Variants in UNC5D observed in about 807,000 individuals in gnomAD.
UNC5D encodes unc-5 netrin receptor D, also known as netrin receptor UNC5D.
Under a neutral mutation model 105.4 loss-of-function variants are expected in UNC5D, and 39 were observed. The ratio of observed to expected loss-of-function variants is 0.37; its 90% CI spans 0.29 to 0.48. The LOEUF (loss-of-function observed/expected upper bound fraction) is 0.48, where lower values mean the gene tolerates loss of function less well. Among genes scored for constraint, UNC5D ranks in the 20% least tolerant of loss-of-function variants. The pLI is 0.98. For synonymous variants in UNC5D, 452 were observed against 450.4 expected (o/e 1.00, Z -0.04); for missense variants, 991 against 1,202.4 (o/e 0.82, Z 2.60).
chr8:35,790,721 AAAC>A lies in UNC5D; in HGVS notation c.*160_*162del. 1.4e-6 allele frequency: 1 copy of A among 716,256 alleles called. No homozygotes were observed. Among genetic ancestry groups the A allele is most frequent in the South Asian group, 1.8e-5 (1 of 55,322 alleles). 44.4% of individuals were successfully genotyped at this position (716,256 alleles called of 1,614,324 possible). On this transcript the variant is annotated 3_prime_UTR_variant, in exon 17 of 17. Transcript: ENST00000404895. ...GAAGAAACTAAATTTTATATAGGTA[AAAC>A]ATGTTAATAGGGAAGAGTACAAGCT... is the stretch of plus-strand genomic sequence containing the variant.
intron 4 of UNC5D, among the ~76,000 whole-genome samples, chr8:35,604,920 T>G (rs1281816239): frequency 6.6e-6 from 1 of 152,206 alleles, no homozygotes; most frequent in Non-Finnish European, 1.5e-5. Flanking sequence ...CTTCTCTGCA[T>G]TGGTTATTCT....
chr8:35,360,039 T>C lies in UNC5D; in HGVS notation c.103+124152T>C, dbSNP rs536616497. ...AAAAACAGAAGAGTTTCAGAGTTTC[T>C]TTTTTTTCTGAATTACTTGAAATTA... is the stretch of plus-strand genomic sequence containing the variant. On this transcript the variant is annotated intron_variant, in intron 1 of 16. Transcript: ENST00000404895. Among the ~76,000 whole-genome samples, 8 of 151,806 alleles carry C rather than the reference T, an allele frequency of 5.3e-5. No individual in the cohort carries two copies. In the East Asian group the frequency reaches 1.5e-3, roughly 29 times the overall value.
chr8:35,344,170 A>G (rs1398970498), intron 1 of UNC5D, among the ~76,000 whole-genome samples: 2 of 152,082 alleles, frequency 1.3e-5, no homozygotes, highest in Admixed American at 1.3e-4. Context: ...GAAAGTATAT[A>G]AAGAAAAATA....
chr8:35,536,586 T>G (rs1405264656), intron 1 of UNC5D, among the ~76,000 whole-genome samples: 1 of 152,218 alleles, frequency 6.6e-6, no homozygotes, highest in Non-Finnish European at 1.5e-5. Flanking sequence ...AGATACCCTT[T>G]CTGGTCAAAA....
chr8:35,320,456 C>G (rs534304954), intron 1 of UNC5D, among the ~76,000 whole-genome samples: 131 of 152,222 alleles, frequency 8.6e-4, no homozygotes, highest in African/African-American at 3.0e-3. Flanking sequence ...TTAATTTTCT[C>G]CTGGATCAGG....
At chr8:35,588,743 T>C (rs1818958908) in intron 3 of UNC5D, among the ~76,000 whole-genome samples, 3 of 151,988 alleles carry the variant, frequency 2.0e-5, no homozygotes, top group Admixed American at 1.3e-4. Flanking sequence ...TGAAGGCAAA[T>C]TAAGGATTAC....
In UNC5D at chr8:35,774,435, G is replaced by C. The variant is rs943756058; in HGVS notation, c.2615G>C (p.Gly872Ala). 1 of 1,613,976 alleles carries C rather than the reference G, an allele frequency of 6.2e-7. No individual in the cohort carries two copies. The highest frequency in any genetic ancestry group is 8.5e-7 in the Non-Finnish European group (1 of 1,180,002). Residue 872 changes from glycine (G) to alanine (A), a missense_variant, in exon 16 of 17, where the codon GGC becomes GCC. Coordinates refer to ENST00000404895, the MANE Select transcript of UNC5D (RefSeq NM_080872.4). ...ACATTTGATACCCCCAATGCCAAAG[G>C]CAAGGACTGGCAGATGTTAGCACAG... Reference protein sequence around the residue: ...CATFDTPNAKGKDWQMLAQKN... With the variant: ...CATFDTPNAKAKDWQMLAQKN...
chr8:35,656,371 T>G (rs1352706243), intron 4 of UNC5D, among the ~76,000 whole-genome samples: 1 of 152,214 alleles, frequency 6.6e-6, no homozygotes, highest in South Asian at 2.1e-4. Context: ...CAATGCCATA[T>G]GGTATATCAG....
intron 1 of UNC5D, among the ~76,000 whole-genome samples, chr8:35,267,241 C>A (rs531896140): frequency 1.3e-5 from 2 of 151,978 alleles, no homozygotes; most frequent in Non-Finnish European, 2.9e-5. Context: ...AATAAGAAAC[C>A]ACCCTACATG....
At chr8:35,513,131 G>C (rs1441430865) in intron 1 of UNC5D, among the ~76,000 whole-genome samples, 1 of 151,720 alleles carries the variant, frequency 6.6e-6, no homozygotes, top group Non-Finnish European at 1.5e-5. Context: ...CTGGGACTTC[G>C]CACTTGCTAT....
chr8:35,674,940 T>C (rs1825105045), intron 4 of UNC5D, among the ~76,000 whole-genome samples: 1 of 152,220 alleles, frequency 6.6e-6, no homozygotes, highest in Non-Finnish European at 1.5e-5. Flanking sequence ...TTCCGTAGCC[T>C]TCCAGCTTTT....
At chr8:35,652,387 A>G (rs899270248) in intron 4 of UNC5D, among the ~76,000 whole-genome samples, 5 of 151,972 alleles carry the variant, frequency 3.3e-5, no homozygotes, top group African/African-American at 4.8e-5. Flanking sequence ...ATTACTTACC[A>G]TATTACTCAT....
chr8:35,545,210 CTATT>C (rs1418124419), intron 1 of UNC5D, among the ~76,000 whole-genome samples: 1 of 152,208 alleles, frequency 6.6e-6, no homozygotes, highest in African/African-American at 2.4e-5. Context: ...TTGCATAAAA[CTATT>C]TATTAAAGTA....
chr8:35,672,776 T>A (rs1416088322), intron 4 of UNC5D, among the ~76,000 whole-genome samples: 1 of 152,180 alleles, frequency 6.6e-6, no homozygotes, highest in Non-Finnish European at 1.5e-5. Context: ...TGTTACAGTT[T>A]CAGTAAACAG....
chr8:35,670,478 A>C (rs1370788673), intron 4 of UNC5D, among the ~76,000 whole-genome samples: 2 of 152,292 alleles, frequency 1.3e-5, no homozygotes, highest in East Asian at 3.9e-4. Context: ...TCAGTGATAG[A>C]CTGCATAAAG....
chr8:35,566,185 C>T (rs2130776148), intron 2 of UNC5D, among the ~76,000 whole-genome samples: 1 of 152,222 alleles, frequency 6.6e-6, no homozygotes, highest in South Asian at 2.1e-4. Flanking sequence ...TGGGTTCCTC[C>T]TACAAATTTA....
chr8:35,294,808 T>C (rs1051935568), intron 1 of UNC5D, among the ~76,000 whole-genome samples: 2 of 152,110 alleles, frequency 1.3e-5, no homozygotes, highest in Admixed American at 1.3e-4. Flanking sequence ...CAGCTCAACT[T>C]TTTCTTGTAA....
At chr8:35,414,990 A>G (rs1414953507) in intron 1 of UNC5D, among the ~76,000 whole-genome samples, 1 of 152,070 alleles carries the variant, frequency 6.6e-6, no homozygotes, top group Non-Finnish European at 1.5e-5. Context: ...AGTGTGCCAA[A>G]TTATCCAGGG....
intron 16 of UNC5D, among the ~76,000 whole-genome samples, chr8:35,776,247 T>C (rs1288592053): frequency 6.6e-6 from 1 of 152,242 alleles, no homozygotes; most frequent in Admixed American, 6.5e-5. Flanking sequence ...GAATCTAAAC[T>C]ATATTAAGTC....
Sources: allele counts gnomAD v4.1 joint callset (sites outside exome capture counted in the v4.1 genomes callset), GRCh38; gene constraint gnomAD v4.1.1; transcripts MANE v1.5; gene names NCBI Gene and HGNC (gene_info 2026-07-23, HGNC 2026-07-21).